The following EPB41L2 variants were observed in gnomAD, a reference collection of about 807,000 sequenced individuals.
The protein encoded by EPB41L2 is erythrocyte membrane protein band 4.1 like 2.
In EPB41L2, 43 loss-of-function variants were observed where a neutral mutation model predicts 113.0. The observed-to-expected ratio is 0.38, with a 90% confidence interval of 0.30 to 0.49. The LOEUF (loss-of-function observed/expected upper bound fraction) is 0.49. EPB41L2 is among the 20% of genes least tolerant of loss of function. The probability of loss-of-function intolerance (pLI) is 0.95; values close to 1 mark genes in which losing one functional copy is unlikely to be tolerated. For synonymous variants in EPB41L2, 442 were observed against 436.7 expected (o/e 1.01, Z -0.15); for missense variants, 1,147 against 1,223.4 (o/e 0.94, Z 0.93).
chr6:130,892,956 A>G (rs1296977181), intron 10 of EPB41L2, among the ~76,000 whole-genome samples: 2 of 152,192 alleles, frequency 1.3e-5, no homozygotes, highest in Non-Finnish European at 2.9e-5. Flanking sequence ...ATAAGTCCAG[A>G]GCAAAAACCT....
At chr6:131,056,237 T>C (rs758634406) in intron 1 of EPB41L2, among the ~76,000 whole-genome samples, 1 of 152,252 alleles carries the variant, frequency 6.6e-6, no homozygotes, top group Non-Finnish European at 1.5e-5. Context: ...ACAAAAATTC[T>C]ACTCACTAAT....
chr6:131,013,358 A>G (rs1032595355), intron 1 of EPB41L2, among the ~76,000 whole-genome samples: 1 of 152,224 alleles, frequency 6.6e-6, no homozygotes, highest in Non-Finnish European at 1.5e-5. Flanking sequence ...GCACATGGCT[A>G]TAATAAAAGC....
chr6:130,990,627 T>G (rs1013051375), intron 1 of EPB41L2, among the ~76,000 whole-genome samples: 3 of 152,118 alleles, frequency 2.0e-5, no homozygotes, highest in Non-Finnish European at 4.4e-5. Context: ...ATATACAGAA[T>G]TAACTTTGAT....
intron 19 of EPB41L2, among the ~76,000 whole-genome samples, chr6:130,848,570 T>G (rs1304599083): frequency 6.6e-6 from 1 of 152,190 alleles, no homozygotes; most frequent in African/African-American, 2.4e-5. Flanking sequence ...ACTAGCCACA[T>G]TTCAAGTGCT....
intron 1 of EPB41L2, among the ~76,000 whole-genome samples, chr6:131,004,656 A>C (rs1785062050): frequency 6.6e-6 from 1 of 152,090 alleles, no homozygotes; most frequent in African/African-American, 2.4e-5. Flanking sequence ...CCTTACCCCC[A>C]CCACTCCTCC....
At chr6:130,877,466 GAAGGC>G (rs942939758) in intron 14 of EPB41L2, among the ~76,000 whole-genome samples, 1 of 152,164 alleles carries the variant, frequency 6.6e-6, no homozygotes, top group African/African-American at 2.4e-5. Flanking sequence ...AATATATCCT[GAAGGC>G]AATATGTACT....
chr6:131,042,477 G>A (rs1794642577), intron 1 of EPB41L2, among the ~76,000 whole-genome samples: 1 of 152,112 alleles, frequency 6.6e-6, no homozygotes, highest in African/African-American at 2.4e-5. Context: ...GAAATGGATG[G>A]TATTATTCTG....
chr6:130,845,942 A>G (rs1776919409), intron 19 of EPB41L2, among the ~76,000 whole-genome samples: 1 of 152,140 alleles, frequency 6.6e-6, no homozygotes, highest in Admixed American at 6.5e-5. Flanking sequence ...TTCATCAACC[A>G]CCTTTCTTAC....
chr6:131,025,206 C>T (rs187380728), intron 1 of EPB41L2, among the ~76,000 whole-genome samples: 50 of 152,240 alleles, frequency 3.3e-4, no homozygotes, highest in Non-Finnish European at 6.0e-4. Context: ...GCCTGTTTCC[C>T]CCCCGGTATG....
intron 3 of EPB41L2, among the ~76,000 whole-genome samples, chr6:130,931,435 C>CA: frequency 1.3e-5 from 2 of 152,186 alleles, no homozygotes; most frequent in Non-Finnish European, 2.9e-5. Context: ...AAACCTAAAA[C>CA]AGATGTGCTT....
chr6:130,848,160 CT>C (rs1777575921), intron 19 of EPB41L2, among the ~76,000 whole-genome samples: 1 of 150,294 alleles, frequency 6.7e-6, no homozygotes, highest in African/African-American at 2.4e-5. Flanking sequence ...TCCCTGCCCC[CT>C]AACAGTCTCT....
chr6:130,863,624 C>T lies in EPB41L2; in HGVS notation c.2910+14G>A, dbSNP rs1218792591. On this transcript the variant is annotated intron_variant, in intron 18 of 19. Coordinates refer to ENST00000337057, the MANE Select transcript of EPB41L2 (RefSeq NM_001431.4). Reference sequence around the variant, plus strand: ...AACAGGGCCATTTCCAAAACTAGAACTTAACTTATTTACCTGGTCATGATC... The same window carrying T: ...AACAGGGCCATTTCCAAAACTAGAATTTAACTTATTTACCTGGTCATGATC... 3 of 1,585,262 alleles carry T rather than the reference C, an allele frequency of 1.9e-6. No homozygotes were observed. Among genetic ancestry groups the T allele is most frequent in the African/African-American group, 1.3e-5 (1 of 74,180 alleles).
intron 1 of EPB41L2, among the ~76,000 whole-genome samples, chr6:130,964,247 C>T (rs1359580588): frequency 6.6e-6 from 1 of 152,090 alleles, no homozygotes; most frequent in African/African-American, 2.4e-5. Context: ...GTCTCAAACT[C>T]CTGACCTCAA....
intron 8 of EPB41L2, among the ~76,000 whole-genome samples, chr6:130,896,400 C>G (rs1234547616): frequency 6.6e-6 from 1 of 152,216 alleles, no homozygotes. Flanking sequence ...CAACTTGGCA[C>G]CAGACCCCAT....
At chr6:130,880,335 G>T in intron 12 of EPB41L2, 129 bp from the exon 13 acceptor site, 1 of 661,542 alleles carries the variant, frequency 1.5e-6, no homozygotes, top group South Asian at 1.9e-5. Flanking sequence ...CAAATCTTAT[G>T]AACTTAAAGC....
chr6:130,884,228 G>A (rs1003745017), intron 12 of EPB41L2, among the ~76,000 whole-genome samples: 5 of 152,048 alleles, frequency 3.3e-5, no homozygotes, highest in African/African-American at 1.2e-4. Flanking sequence ...CCAGCTACTT[G>A]GGAGGCTGAG....
rs759637035 is a variant in EPB41L2, at chr6:130,880,125, T to C, written c.1896+19A>G. 1 of 1,583,402 alleles carries C rather than the reference T, an allele frequency of 6.3e-7. No homozygotes were observed. The highest frequency in any genetic ancestry group is 8.7e-7 in the Non-Finnish European group (1 of 1,152,576). ...CGGGCAGCCATTAGGACAGAGTTGT[T>C]TTCTTAGATTATACAAACCTCCAAC... On this transcript the variant is annotated intron_variant, in intron 13 of 19. Coordinates refer to ENST00000337057, the MANE Select transcript of EPB41L2 (RefSeq NM_001431.4).
intron 12 of EPB41L2, 96 bp from the exon 13 acceptor site, chr6:130,880,302 G>T: frequency 2.6e-6 from 2 of 775,476 alleles, no homozygotes; most frequent in Non-Finnish European, 4.3e-6. Context: ...GACAGTCTAA[G>T]ACATTAAAAT....
intron 1 of EPB41L2, among the ~76,000 whole-genome samples, chr6:130,983,202 A>T (rs1198395905): frequency 6.6e-6 from 1 of 152,246 alleles, no homozygotes; most frequent in Non-Finnish European, 1.5e-5. Context: ...TGAAAGTTGC[A>T]GATGTTTCTA....
Sources: gnomAD v4.1 joint callset for allele counts (sites outside exome capture counted in the v4.1 genomes callset) on GRCh38, gnomAD v4.1.1 for gene constraint, MANE v1.5 for transcripts, NCBI Gene and HGNC (gene_info 2026-07-23, HGNC 2026-07-21) for gene names.